The following EFNB2 variants were observed in gnomAD, a reference collection of about 807,000 sequenced individuals.
The protein encoded by EFNB2 is ephrin-B2.
Under a neutral mutation model 32.1 loss-of-function variants are expected in EFNB2, and 5 were observed. That is an observed-to-expected ratio of 0.16 (90% CI 0.08 to 0.33). The LOEUF is 0.33. EFNB2 is among the 10% of genes least tolerant of loss of function. The pLI is 1.00. For synonymous variants in EFNB2, 168 were observed against 166.5 expected, an observed-to-expected ratio of 1.01 and a Z score of -0.07; for missense variants, 263 against 422.6, an observed-to-expected ratio of 0.62 and a Z score of 3.31.
At chr13:106,528,834 A>T (rs1164759120) in intron 1 of EFNB2, among the ~76,000 whole-genome samples, 3 of 152,212 alleles carry the variant, frequency 2.0e-5, no homozygotes, top group Non-Finnish European at 4.4e-5. Context: ...TCAACAGCAC[A>T]GAGATTTTTC....
At chr13:106,499,415 C>T (rs1285461712) in intron 2 of EFNB2, among the ~76,000 whole-genome samples, 1 of 152,054 alleles carries the variant, frequency 6.6e-6, no homozygotes, top group Non-Finnish European at 1.5e-5. Flanking sequence ...TGAAAAATAA[C>T]AAGAAATTGC....
Position 106,491,069 on chromosome 13 carries a change from G to C in EFNB2, c.*1971C>G, listed in dbSNP as rs973644893. On this transcript the variant is annotated 3_prime_UTR_variant, in exon 5 of 5. Transcript: ENST00000646441. ...TTTACTCTTCTTGTTTCCCAGAAGG[G>C]AGGGGGTGCGGGGGAGGACAGGAGG... is the stretch of plus-strand genomic sequence containing the variant. 3.3e-5 allele frequency: 5 copies of C among 152,638 alleles called. No individual in the cohort carries two copies. Among genetic ancestry groups the C allele is most frequent in the African/African-American group, 1.2e-4 (5 of 41,412 alleles). 9.5% of individuals were successfully genotyped at this position (152,638 alleles called of 1,614,324 possible).
intron 2 of EFNB2, among the ~76,000 whole-genome samples, chr13:106,498,275 T>A (rs117621685): frequency 6.6e-6 from 1 of 152,188 alleles, no homozygotes; most frequent in Non-Finnish European, 1.5e-5. Flanking sequence ...AGAAAAACAA[T>A]TAAATGAGTA....
At chr13:106,499,430 G>T (rs55817417) in intron 2 of EFNB2, among the ~76,000 whole-genome samples, 2,988 of 152,240 alleles carry the variant, frequency 0.02, 59 homozygotes, top group Admixed American at 0.062. Flanking sequence ...AATTGCTAAT[G>T]CTTGGGAAAA....
In EFNB2 at chr13:106,534,886, A is replaced by C. The variant is rs1345531848; in HGVS notation, c.79T>G (p.Ser27Ala). 1 of 1,613,642 alleles carries C rather than the reference A, an allele frequency of 6.2e-7. No individual in the cohort carries two copies. Among genetic ancestry groups the C allele is most frequent in the South Asian group, 1.1e-5 (1 of 91,050 alleles). The change falls in exon 1 of 5, where the codon TCG becomes GCG. Residue 27 changes from serine to alanine, a missense_variant. Physicochemically the swap from Ser to Ala is moderately conservative, Grantham distance 99 (BLOSUM62 1). Around this residue, in one of 3 missense-constraint regions of EFNB2, gnomAD observed 46 missense variants for 56.9 expected, o/e 0.81. Transcript: ENST00000646441. ...MVLCRTAISK[S>A]IVLEPIYWNS... The stretch of plus-strand genomic sequence containing the variant: ...CAATAGATAGGCTCTAAAACTATCG[A>C]TTTGGAAATCGCAGTTCTGCATAAA...
chr13:106,495,102 CT>C, intron 3 of EFNB2, 108 bp from the exon 4 acceptor site: 1 of 834,480 alleles, frequency 1.2e-6, no homozygotes, highest in Non-Finnish European at 2.0e-6. Flanking sequence ...ACATAAGAGT[CT>C]TTATGCAAAG....
intron 1 of EFNB2, among the ~76,000 whole-genome samples, chr13:106,526,272 C>T (rs1394089471): frequency 1.3e-5 from 2 of 152,124 alleles, no homozygotes; most frequent in South Asian, 2.1e-4. Flanking sequence ...AGCACAAATT[C>T]GGGTTGTCTG....
At position 106,510,344 on chromosome 13, in the gene EFNB2, C is replaced by T. The variant is rs1334906684; in HGVS notation, c.406+2185G>A. 3.9e-5 allele frequency: 6 copies of T among 152,324 alleles called. No individual in the cohort carries two copies. In the South Asian group the frequency reaches 1.2e-3, roughly 32 times the overall value. The allele number at this position is 152,324 out of a possible 1,614,324, so 9.4% of individuals were successfully genotyped here. ...CATTAAGCAAAGAGATGTTGGTAAA[C>T]AATTATTTGCATATCTTGCATATTA... is the stretch of plus-strand genomic sequence containing the variant. On this transcript the variant is annotated intron_variant, in intron 2 of 4. Coordinates refer to ENST00000646441, the MANE Select transcript of EFNB2 (RefSeq NM_004093.4).
intron 3 of EFNB2, among the ~76,000 whole-genome samples, chr13:106,495,478 T>G (rs1338896508): frequency 7.1e-6 from 1 of 141,746 alleles, no homozygotes; most frequent in East Asian, 2.2e-4. Flanking sequence ...GAAATATCTA[T>G]CTATCTATCT....
intron 1 of EFNB2, among the ~76,000 whole-genome samples, chr13:106,514,501 A>AAC (rs549948949): frequency 3.9e-5 from 6 of 152,326 alleles, no homozygotes; most frequent in African/African-American, 1.2e-4. Context: ...CAGCCCCTCC[A>AAC]ACACACACAC....
rs1878468600 is a variant in EFNB2, at chr13:106,493,150, T to C, written c.892A>G (p.Ser298Gly). The C allele has an allele frequency of 6.2e-7, 1 of 1,614,138 alleles. No individual in the cohort carries two copies. The highest frequency in any genetic ancestry group is 1.1e-5 in the South Asian group (1 of 91,078). Residue 298 changes from serine (S) to glycine (G), a missense_variant, in exon 5 of 5, where the codon AGC (serine) becomes GGC (glycine). Around this residue, in one of 3 missense-constraint regions of EFNB2, gnomAD observed 172 missense variants for 237.1 expected, o/e 0.73. Coordinates refer to ENST00000646441, the MANE Select transcript of EFNB2 (RefSeq NM_004093.4). The surrounding 1 kb of genome is among the most constrained non-coding windows in gnomAD (Gnocchi z 6.1). Reference sequence around the variant, plus strand: ...TTCTCGTAGTGAGGGCAGAAGACGCTGTCCGCAGTCCTTAGCGGGATGATA... The same window carrying C: ...TTCTCGTAGTGAGGGCAGAAGACGCCGTCCGCAGTCCTTAGCGGGATGATA... ...DIIIPLRTAD[S>G]VFCPHYEKVS...
intron 2 of EFNB2, among the ~76,000 whole-genome samples, chr13:106,499,930 A>C (rs535924960): frequency 6.6e-6 from 1 of 152,306 alleles, no homozygotes; most frequent in South Asian, 2.1e-4. Flanking sequence ...TCAGCAAAAA[A>C]GTTCCTTGCG....
At chr13:106,495,716 A>T (rs72656496) in intron 3 of EFNB2, 32 bp downstream of exon 3, 2 of 1,603,234 alleles carry the variant, frequency 1.2e-6, no homozygotes, top group African/African-American at 2.7e-5. Flanking sequence ...ACCAGGTCAC[A>T]GTGGCGTCAT....
At chr13:106,501,596 CTT>C (rs753512349) in intron 2 of EFNB2, among the ~76,000 whole-genome samples, 11 of 143,502 alleles carry the variant, frequency 7.7e-5, no homozygotes, top group Non-Finnish European at 7.7e-5. Context: ...ATTTATTTTC[CTT>C]TTTTTTTTTT....
chr13:106,533,656 T>A (rs2138950794), intron 1 of EFNB2, among the ~76,000 whole-genome samples: 1 of 152,328 alleles, frequency 6.6e-6, no homozygotes, highest in East Asian at 1.9e-4. Context: ...GATTTCTAAA[T>A]CAATCCCCCA....
intron 1 of EFNB2, 114 bp from the exon 2 acceptor site, chr13:106,512,926 C>T (rs1214859711): frequency 3.4e-6 from 3 of 875,332 alleles, no homozygotes; most frequent in South Asian, 2.5e-5. Context: ...TTCAGATTCA[C>T]ACTTTAATTT....
intron 1 of EFNB2, among the ~76,000 whole-genome samples, chr13:106,513,921 T>G (rs75498301): frequency 0.083 from 12,626 of 152,200 alleles, 1,742 homozygotes; most frequent in African/African-American, 0.29. Flanking sequence ...AAAGCAAGGA[T>G]GATAGGGCAC....
intron 2 of EFNB2, among the ~76,000 whole-genome samples, chr13:106,501,724 C>G (rs916430182): frequency 6.6e-6 from 1 of 151,960 alleles, no homozygotes; most frequent in African/African-American, 2.4e-5. Context: ...TCCCGAGTAG[C>G]TGGGACTACA....
chr13:106,525,843 T>C (rs1050983993), intron 1 of EFNB2, among the ~76,000 whole-genome samples: 3 of 152,222 alleles, frequency 2.0e-5, no homozygotes, highest in Admixed American at 1.3e-4. Flanking sequence ...GCCTAACACT[T>C]AATAGTTGCT....
Sources: gnomAD v4.1 joint callset for allele counts (sites outside exome capture counted in the v4.1 genomes callset) on GRCh38, gnomAD v4.1.1 for gene constraint, gnomAD v4.1.1 regional missense constraint, Gnocchi (gnomAD v3.1) non-coding constraint, MANE v1.5 for transcripts, NCBI Gene and HGNC (gene_info 2026-07-23, HGNC 2026-07-21) for gene names.